The following TMEM132D variants were observed in gnomAD, a reference collection of about 807,000 sequenced individuals.
TMEM132D encodes transmembrane protein 132D, also known as mature OL transmembrane protein.
Under a neutral mutation model 62.3 loss-of-function variants are expected in TMEM132D, and 21 were observed. That is an observed-to-expected ratio of 0.34 (90% CI 0.24 to 0.49). The LOEUF (loss-of-function observed/expected upper bound fraction) is 0.49, where lower values mean the gene tolerates loss of function less well. TMEM132D is among the 20% of genes least tolerant of loss of function. The probability of loss-of-function intolerance (pLI) is 0.99; values close to 1 mark genes in which losing one functional copy is unlikely to be tolerated. For synonymous variants in TMEM132D, 621 were observed against 575.6 expected, an observed-to-expected ratio of 1.08 and a Z score of -1.13; for missense variants, 1,346 against 1,402.8, an observed-to-expected ratio of 0.96 and a Z score of 0.65.
chr12:129,090,137 C>T (rs575585304), intron 5 of TMEM132D, among the ~76,000 whole-genome samples: 17 of 152,288 alleles, frequency 1.1e-4, no homozygotes, highest in Non-Finnish European at 2.9e-5. Context: ...AACGTGGGCC[C>T]AGGTCCGGTT....
intron 1 of TMEM132D, among the ~76,000 whole-genome samples, chr12:129,855,129 T>G (rs1280066725): frequency 2.5e-5 from 3 of 120,038 alleles, no homozygotes; most frequent in Admixed American, 8.3e-5. Flanking sequence ...GCTGCCCTTG[T>G]AACAGAGTCC....
At chr12:129,682,175 T>A (rs183542674) in intron 2 of TMEM132D, among the ~76,000 whole-genome samples, 147 of 152,340 alleles carry the variant, frequency 9.6e-4, no homozygotes, top group Non-Finnish European at 1.6e-3. Context: ...CACTGCTTAG[T>A]TTGAAATGGC....
intron 1 of TMEM132D, among the ~76,000 whole-genome samples, chr12:129,720,158 C>T (rs1868767948): frequency 6.6e-6 from 1 of 152,104 alleles, no homozygotes; most frequent in Non-Finnish European, 1.5e-5. Flanking sequence ...TGGTGTCTTT[C>T]CCTGGTGTCA....
At chr12:129,565,612 G>A (rs1030317804) in intron 2 of TMEM132D, among the ~76,000 whole-genome samples, 1 of 152,214 alleles carries the variant, frequency 6.6e-6, no homozygotes, top group East Asian at 1.9e-4. Flanking sequence ...GGGTGGCTGA[G>A]AATTTTATTT....
chr12:129,543,775 C>T (rs1876657130), intron 2 of TMEM132D, among the ~76,000 whole-genome samples: 1 of 152,176 alleles, frequency 6.6e-6, no homozygotes, highest in African/African-American at 2.4e-5. Context: ...TACATAAAAA[C>T]ATATCTTGGG....
chr12:129,817,664 T>TG (rs1406450653), intron 1 of TMEM132D, among the ~76,000 whole-genome samples: 6 of 85,604 alleles, frequency 7.0e-5, no homozygotes, highest in Non-Finnish European at 1.4e-4. Context: ...ATGGGGTGTG[T>TG]GGGGGGTATG....
chr12:129,273,452 A>T (rs1880914220), intron 4 of TMEM132D, among the ~76,000 whole-genome samples: 1 of 144,320 alleles, frequency 6.9e-6, no homozygotes, highest in South Asian at 2.2e-4. Flanking sequence ...AAAAAAAAAA[A>T]AAGCACATGA....
intron 3 of TMEM132D, among the ~76,000 whole-genome samples, chr12:129,436,268 T>C (rs2135718829): frequency 6.6e-6 from 1 of 152,334 alleles, no homozygotes; most frequent in South Asian, 2.1e-4. Flanking sequence ...TACGAGAGAA[T>C]AGTATTCCAT....
intron 1 of TMEM132D, among the ~76,000 whole-genome samples, chr12:129,752,237 G>GCA (rs376482513): frequency 3.4e-4 from 52 of 151,646 alleles, no homozygotes; most frequent in Middle Eastern, 3.4e-3. Context: ...ACACACATGC[G>GCA]CACACACACA....
At chr12:129,182,781 A>G (rs1466192806) in intron 5 of TMEM132D, among the ~76,000 whole-genome samples, 1 of 152,238 alleles carries the variant, frequency 6.6e-6, no homozygotes, top group Non-Finnish European at 1.5e-5. Context: ...ACACAAGGGA[A>G]TTGGATCTTC....
At chr12:129,480,335 T>G (rs115461255) in intron 3 of TMEM132D, among the ~76,000 whole-genome samples, 1,824 of 152,334 alleles carry the variant, frequency 0.012, 42 homozygotes, top group African/African-American at 0.042. Context: ...TGGTGCTTAC[T>G]TTGAGTGCAG....
chr12:129,352,136 C>G (rs977366715), intron 3 of TMEM132D, among the ~76,000 whole-genome samples: 2 of 152,148 alleles, frequency 1.3e-5, no homozygotes, highest in Admixed American at 6.5e-5. Flanking sequence ...TGGGCATTCC[C>G]AGCCTCAAGA....
At chr12:129,313,551 ATATATG>A in intron 4 of TMEM132D, among the ~76,000 whole-genome samples, 1 of 130,450 alleles carries the variant, frequency 7.7e-6, no homozygotes, top group Non-Finnish European at 1.7e-5. Context: ...TATGATATAT[ATATATG>A]TGTGTGTGTG....
chr12:129,395,022 G>A (rs1871383934), intron 3 of TMEM132D, among the ~76,000 whole-genome samples: 1 of 152,158 alleles, frequency 6.6e-6, no homozygotes, highest in Non-Finnish European at 1.5e-5. Flanking sequence ...ATCACATGGA[G>A]GCTATCCGTA....
intron 4 of TMEM132D, among the ~76,000 whole-genome samples, chr12:129,294,247 A>G (rs1435769336): frequency 6.6e-6 from 1 of 152,230 alleles, no homozygotes; most frequent in East Asian, 1.9e-4. Flanking sequence ...TTGGTAATCA[A>G]TGGCTGGCAG....
At chr12:129,415,495 C>T (rs1872090494) in intron 3 of TMEM132D, among the ~76,000 whole-genome samples, 1 of 152,214 alleles carries the variant, frequency 6.6e-6, no homozygotes, top group Non-Finnish European at 1.5e-5. Flanking sequence ...AGTGAGCGGA[C>T]ATAGATATCT....
chr12:129,894,746 CT>C (rs62744062), intron 1 of TMEM132D, among the ~76,000 whole-genome samples: 4,784 of 150,200 alleles, frequency 0.032, 257 homozygotes, highest in African/African-American at 0.11. Context: ...TGTAGTTTCT[CT>C]TTTTTTTTTC....
chr12:129,776,801 A>AAG (rs994002297), intron 1 of TMEM132D, among the ~76,000 whole-genome samples: 1 of 151,560 alleles, frequency 6.6e-6, no homozygotes, highest in African/African-American at 2.4e-5. Context: ...AAAAAAAAAA[A>AAG]AAAAAAGAAA....
intron 2 of TMEM132D, among the ~76,000 whole-genome samples, chr12:129,677,107 C>T (rs1880649791): frequency 6.6e-6 from 1 of 152,154 alleles, no homozygotes; most frequent in Non-Finnish European, 1.5e-5. Context: ...CATTGAATGA[C>T]AGTTAATACG....
Sources: allele counts gnomAD v4.1 joint callset (sites outside exome capture counted in the v4.1 genomes callset), GRCh38; gene constraint gnomAD v4.1.1; transcripts MANE v1.5; gene names NCBI Gene and HGNC (gene_info 2026-07-23, HGNC 2026-07-21).